The following GABRG3 variants were observed in gnomAD, a reference collection of about 807,000 sequenced individuals.
The protein encoded by GABRG3 is gamma-aminobutyric acid type A receptor subunit gamma3, also known as gamma-aminobutyric acid receptor subunit gamma-3.
GABRG3 carries 25 observed loss-of-function variants against 48.8 expected under a neutral mutation model. The observed-to-expected ratio is 0.51, with a 90% CI of 0.37 to 0.72. The LOEUF (loss-of-function observed/expected upper bound fraction) is 0.72. Ranked by LOEUF, GABRG3 falls within the 30% of genes least tolerant of loss-of-function variation. The pLI is 0.00. For missense variants in GABRG3, 394 were observed against 577.9 expected (o/e 0.68, Z 3.26); for synonymous variants, 227 against 217.6 (o/e 1.04, Z -0.38).
intron 3 of GABRG3, among the ~76,000 whole-genome samples, chr15:27,140,553 G>A (rs1187237974): frequency 6.6e-6 from 1 of 152,096 alleles, no homozygotes; most frequent in Admixed American, 6.5e-5. Context: ...TGGACCATCA[G>A]CTAATATTCT....
intron 3 of GABRG3, among the ~76,000 whole-genome samples, chr15:27,253,345 A>G (rs1890519444): frequency 6.6e-6 from 1 of 152,122 alleles, no homozygotes; most frequent in Admixed American, 6.5e-5. Flanking sequence ...GCTGGATTGC[A>G]GGGTCATGGT....
At chr15:27,277,213 A>G (rs1551419) in intron 3 of GABRG3, among the ~76,000 whole-genome samples, 19,333 of 152,162 alleles carry the variant, frequency 0.13, 2,339 homozygotes, top group African/African-American at 0.32. Context: ...TTTCCTGATG[A>G]AATCCAGAAA....
chr15:27,511,558 C>T (rs148185752), intron 6 of GABRG3, among the ~76,000 whole-genome samples: 1 of 152,286 alleles, frequency 6.6e-6, no homozygotes, highest in East Asian at 1.9e-4. Flanking sequence ...CTGCTCAACG[C>T]AAAATCCCAG....
In GABRG3 at chr15:27,455,576, G is replaced by A. The variant is rs374145224; in HGVS notation, c.575-25074G>A. ...TGAGTTTGTGTGTGGTGTGTGTGTGGTGTGTATGTGTGCTATGTGTGTGTG... is the reference window on the plus strand; with the variant it reads ...TGAGTTTGTGTGTGGTGTGTGTGTGATGTGTATGTGTGCTATGTGTGTGTG... On this transcript the variant is annotated intron_variant, in intron 5 of 9. Coordinates refer to ENST00000615808, the MANE Select transcript of GABRG3 (RefSeq NM_033223.5). 7.0e-3 allele frequency among the ~76,000 whole-genome samples: 1,053 copies of A among 150,678 alleles called. 1 individual carries two copies. The highest frequency in any genetic ancestry group is 0.012 in the South Asian group (55 of 4,758).
At chr15:27,295,966 C>T (rs1247693536) in intron 3 of GABRG3, among the ~76,000 whole-genome samples, 2 of 152,122 alleles carry the variant, frequency 1.3e-5, no homozygotes, top group African/African-American at 4.8e-5. Flanking sequence ...TCTAGCCTTG[C>T]CTTTCCTGGT....
intron 5 of GABRG3, among the ~76,000 whole-genome samples, chr15:27,474,599 G>A (rs375078493): frequency 5.5e-4 from 84 of 152,250 alleles, no homozygotes; most frequent in African/African-American, 1.9e-3. Context: ...ATGCATTCAC[G>A]ACCTTGATTT....
At chr15:27,027,323 G>C (rs1896002167) in intron 3 of GABRG3, among the ~76,000 whole-genome samples, 1 of 152,200 alleles carries the variant, frequency 6.6e-6, no homozygotes, top group Non-Finnish European at 1.5e-5. Flanking sequence ...AGAGCCTTCT[G>C]TGGTGGGCTG....
intron 6 of GABRG3, among the ~76,000 whole-genome samples, chr15:27,484,317 T>C (rs529989972): frequency 8.5e-5 from 13 of 152,306 alleles, no homozygotes; most frequent in Admixed American, 3.9e-4. Flanking sequence ...CATTTTTTTA[T>C]TCTGATAATT....
At chr15:27,491,117 C>A (rs1380789293) in intron 6 of GABRG3, among the ~76,000 whole-genome samples, 1 of 152,202 alleles carries the variant, frequency 6.6e-6, no homozygotes, top group Non-Finnish European at 1.5e-5. Context: ...TGCTCTCATG[C>A]CCTCCTTCCT....
At chr15:27,302,624 C>T (rs943432435) in intron 3 of GABRG3, among the ~76,000 whole-genome samples, 6 of 151,926 alleles carry the variant, frequency 3.9e-5, no homozygotes, top group Non-Finnish European at 8.8e-5. Context: ...TCAGTCAGTG[C>T]CATGAACCAA....
At chr15:27,468,690 T>C (rs7170988) in intron 5 of GABRG3, among the ~76,000 whole-genome samples, 44,492 of 152,088 alleles carry the variant, frequency 0.29, 7,069 homozygotes, top group African/African-American at 0.41. Context: ...TGTGTTCAAG[T>C]ATAATTTTTA....
At chr15:27,406,510 A>T (rs1183726628) in intron 5 of GABRG3, among the ~76,000 whole-genome samples, 1 of 152,226 alleles carries the variant, frequency 6.6e-6, no homozygotes, top group Non-Finnish European at 1.5e-5. Flanking sequence ...CCTCTGTGGT[A>T]GCCCCTAAAA....
chr15:27,368,731 A>G (rs182012492), intron 5 of GABRG3, among the ~76,000 whole-genome samples: 5 of 152,292 alleles, frequency 3.3e-5, no homozygotes, highest in Non-Finnish European at 5.9e-5. Flanking sequence ...TCATCCTTCA[A>G]TTACTGAAAA....
chr15:27,038,800 C>A (rs1244816443), intron 3 of GABRG3, among the ~76,000 whole-genome samples: 1 of 152,108 alleles, frequency 6.6e-6, no homozygotes, highest in Non-Finnish European at 1.5e-5. Context: ...GTCAGAGTGA[C>A]AGCAGAAGAG....
At chr15:27,492,494 G>T (rs1266203215) in intron 6 of GABRG3, among the ~76,000 whole-genome samples, 1 of 152,194 alleles carries the variant, frequency 6.6e-6, no homozygotes, top group Non-Finnish European at 1.5e-5. Flanking sequence ...AGTCTAAGGA[G>T]AGAGAGCAGT....
At chr15:27,087,485 G>A (rs1897096666) in intron 3 of GABRG3, among the ~76,000 whole-genome samples, 1 of 152,216 alleles carries the variant, frequency 6.6e-6, no homozygotes, top group East Asian at 1.9e-4. Flanking sequence ...GAAAGTGTGG[G>A]CCAAGATGAC....
intron 3 of GABRG3, among the ~76,000 whole-genome samples, chr15:27,255,556 T>C (rs969745086): frequency 2.0e-5 from 3 of 152,222 alleles, no homozygotes; most frequent in Non-Finnish European, 4.4e-5. Flanking sequence ...TACCGATATC[T>C]TTTCAAATGG....
At chr15:27,216,694 C>T (rs951859518) in intron 3 of GABRG3, among the ~76,000 whole-genome samples, 12 of 151,506 alleles carry the variant, frequency 7.9e-5, no homozygotes, top group African/African-American at 2.9e-4. Flanking sequence ...TGTGATCTTC[C>T]AGGCTTTAAA....
At chr15:27,373,058 G>T (rs954718047) in intron 5 of GABRG3, among the ~76,000 whole-genome samples, 15 of 150,488 alleles carry the variant, frequency 1.0e-4, no homozygotes, top group African/African-American at 3.7e-4. Context: ...GAGACAGCAC[G>T]CAAATGCCAC....
Sources: gnomAD v4.1 joint callset for allele counts (sites outside exome capture counted in the v4.1 genomes callset) on GRCh38, gnomAD v4.1.1 for gene constraint, MANE v1.5 for transcripts, NCBI Gene and HGNC (gene_info 2026-07-23, HGNC 2026-07-21) for gene names.